The following CCNF variants were observed in gnomAD, a reference collection of about 807,000 sequenced individuals.
The protein encoded by CCNF is cyclin F.
A neutral mutation model predicts 85.4 loss-of-function variants in CCNF; 30 were observed. That is an observed-to-expected ratio of 0.35 (90% CI 0.26 to 0.48). CCNF has a LOEUF of 0.48. CCNF is among the 20% of genes least tolerant of loss of function. CCNF has a pLI of 0.99. For synonymous variants in CCNF, 439 were observed against 425.1 expected (o/e 1.03, Z -0.40); for missense variants, 919 against 1,010.4 (o/e 0.91, Z 1.23).
chr16:2,456,037 T>C lies in CCNF; in HGVS notation c.1885+473T>C, dbSNP rs2065425610. Among the ~76,000 whole-genome samples, 1 of 152,176 alleles carries C rather than the reference T, an allele frequency of 6.6e-6. No homozygotes were observed. Among genetic ancestry groups the C allele is most frequent in the Non-Finnish European group, 1.5e-5 (1 of 68,036 alleles). On this transcript the variant is annotated intron_variant, in intron 16 of 16. Transcript: ENST00000397066. The surrounding 1 kb of genome is among the most constrained non-coding windows in gnomAD (Gnocchi z 4.5). ...TTAGCTGGGCATCGTGGCGTGCGCCTGTGGTCCCAGCTACTCAGGAGGCTG... is the reference window on the plus strand; with the variant it reads ...TTAGCTGGGCATCGTGGCGTGCGCCCGTGGTCCCAGCTACTCAGGAGGCTG...
At position 2,429,507 on chromosome 16, in the gene CCNF, G is replaced by A. The variant is rs1023710814; in HGVS notation, c.16+10G>A. 9 of 1,230,888 alleles carry A rather than the reference G, an allele frequency of 7.3e-6. No homozygotes were observed. In the African/African-American group the frequency reaches 1.4e-4, roughly 19 times the overall value. The allele number at this position is 1,230,888 out of a possible 1,614,324, so 76.2% of individuals were successfully genotyped here. A position where few individuals can be genotyped will look rare whatever the true frequency, so the allele number is the denominator to read the frequency against. ...ATGGGGAGCGGCGGCGGTGAGTGCG[G>A]GGCGATGTCCGCTGGTTTCTGCCCC... On this transcript the variant is annotated intron_variant, in intron 1 of 16. Coordinates refer to ENST00000397066, the MANE Select transcript of CCNF (RefSeq NM_001761.3).
intron 8 of CCNF, 146 bp downstream of exon 8, chr16:2,439,972 T>A (rs781500182): frequency 1.5e-6 from 1 of 686,714 alleles, no homozygotes; most frequent in Non-Finnish European, 2.6e-6. Context: ...CTAAGATCGG[T>A]TCAGCACTGG....
At chr16:2,438,605 G>A (rs1340551134) in intron 6 of CCNF, among the ~76,000 whole-genome samples, 3 of 149,378 alleles carry the variant, frequency 2.0e-5, no homozygotes. Flanking sequence ...TTGCACCACT[G>A]CACTCCAGCC....
At position 2,452,192 on chromosome 16, in the gene CCNF, A is replaced by G. The variant is rs532353542; in HGVS notation, c.1488-1018A>G. On this transcript the variant is annotated intron_variant, in intron 13 of 16. Transcript: ENST00000397066. The surrounding 1 kb of genome is among the most constrained non-coding windows in gnomAD (Gnocchi z 4.1). Reference sequence around the variant, plus strand: ...CCCAGGGCCTCGCTGTCCGGCTTCCAGGATGAGATCAGAACTCCCTGGGGG... The same window carrying G: ...CCCAGGGCCTCGCTGTCCGGCTTCCGGGATGAGATCAGAACTCCCTGGGGG... Among the ~76,000 whole-genome samples, 5 of 152,218 alleles carry G rather than the reference A, an allele frequency of 3.3e-5. No individual in the cohort carries two copies. The highest frequency in any genetic ancestry group is 1.2e-4 in the African/African-American group (5 of 41,452).
intron 4 of CCNF, chr16:2,436,576 C>G (rs1201744836): frequency 6.6e-6 from 1 of 152,204 alleles, no homozygotes; most frequent in East Asian, 1.9e-4. Context: ...GGACCATGAG[C>G]AACACCCTCC....
At position 2,455,569 on chromosome 16, in the gene CCNF, G is replaced by A; in HGVS notation, c.1885+5G>A. 3.8e-6 allele frequency: 6 copies of A among 1,588,160 alleles called. No individual in the cohort carries two copies. Among genetic ancestry groups the A allele is most frequent in the Non-Finnish European group, 5.2e-6 (6 of 1,159,564 alleles). ...AGGGCGAGAAGGAGGGCGACGGTGA[G>A]TGTGGGGCCAGGGTGCACCAGAAGG... On this transcript the variant is annotated splice_donor_5th_base_variant and intron_variant, in intron 16 of 16. Coordinates refer to ENST00000397066, the MANE Select transcript of CCNF (RefSeq NM_001761.3).
In CCNF at chr16:2,449,590, G is replaced by A. The variant is rs1051230911; in HGVS notation, c.1399+128G>A. 25 of 926,810 alleles carry A rather than the reference G, an allele frequency of 2.7e-5. 1 individual carries two copies. The highest frequency in any genetic ancestry group is 8.4e-5 in the South Asian group (5 of 59,542). The allele number at this position is 926,810 out of a possible 1,614,324, so 57.4% of individuals were successfully genotyped here. On this transcript the variant is annotated intron_variant, in intron 12 of 16. Coordinates refer to ENST00000397066, the MANE Select transcript of CCNF (RefSeq NM_001761.3). ...CTTCTTGGGGGGTGAGATACAGCACGGCTCCTACCTTCAGTGATGTCCCAG... is the reference window on the plus strand; with the variant it reads ...CTTCTTGGGGGGTGAGATACAGCACAGCTCCTACCTTCAGTGATGTCCCAG...
In CCNF at chr16:2,449,034, G is replaced by C. The variant is rs1202166775; in HGVS notation, c.1218+56G>C. The C allele has an allele frequency of 9.3e-6, 13 of 1,397,550 alleles. No homozygotes were observed. The Middle Eastern group carries it at 7.1e-4, about 76-fold the overall frequency. 86.6% of individuals were successfully genotyped at this position (1,397,550 alleles called of 1,614,324 possible). A position where few individuals can be genotyped will look rare whatever the true frequency, so the allele number is the denominator to read the frequency against. On this transcript the variant is annotated intron_variant, in intron 11 of 16. Coordinates refer to ENST00000397066, the MANE Select transcript of CCNF (RefSeq NM_001761.3). ...CTTCGTTGTCGCTGTGCTGGAGGGT[G>C]GGGGTGGGCATTCAGCTTTCCTGCT...
chr16:2,432,363 A>G (rs1217525255), intron 2 of CCNF, among the ~76,000 whole-genome samples: 1 of 152,146 alleles, frequency 6.6e-6, no homozygotes, highest in African/African-American at 2.4e-5. Context: ...TGACTCCCAA[A>G]GCCACCTCCA....
intron 1 of CCNF, among the ~76,000 whole-genome samples, chr16:2,430,073 G>T (rs1372386111): frequency 6.6e-6 from 1 of 152,226 alleles, no homozygotes. Flanking sequence ...GAATCTTTGA[G>T]AATTCGTCGC....
chr16:2,455,642 C>T (rs2141832791), intron 16 of CCNF, 78 bp downstream of exon 16: 2 of 1,489,008 alleles, frequency 1.3e-6, no homozygotes, highest in South Asian at 2.7e-5. Context: ...GGGCACCCGG[C>T]CCTGTGCGAG....
At chr16:2,455,169 C>T (rs2065419259) in intron 15 of CCNF, among the ~76,000 whole-genome samples, 1 of 152,072 alleles carries the variant, frequency 6.6e-6, no homozygotes, top group South Asian at 2.1e-4. Context: ...GGCTGGGCTT[C>T]ACACCCAGAC....
Position 2,443,659 on chromosome 16 carries a change from C to T in CCNF, c.788C>T (p.Ala263Val). Residue 263 changes from alanine (A) to valine (V), a missense_variant, in exon 9 of 17, where the codon GCC becomes GTC. Physicochemically the swap from Ala to Val is moderately conservative, Grantham distance 64. This residue lies in a region of CCNF where 410 missense variants were observed against 478.6 expected (regional missense o/e 0.86). Transcript: ENST00000397066. ...KGCWEAQLSL[A>V]KACANANQLG... ...TCTTTTCTTCCTCAGCTGTCTTTAG[C>T]CAAAGCCTGTGCAAATGCAAACCAG... The T allele has an allele frequency of 6.2e-7, 1 of 1,613,918 alleles. No individual in the cohort carries two copies. The highest frequency in any genetic ancestry group is 8.5e-7 in the Non-Finnish European group (1 of 1,179,866).
intron 5 of CCNF, chr16:2,437,776 A>G (rs2141817857): frequency 2.4e-6 from 1 of 418,608 alleles, no homozygotes. Context: ...GTGCATACCT[A>G]TAGTCCCAGC....
In CCNF at chr16:2,449,453, C is replaced by T; in HGVS notation, c.1390C>T (p.His464Tyr). The T allele has an allele frequency of 6.2e-7, 1 of 1,604,360 alleles. No homozygotes were observed. Among genetic ancestry groups the T allele is most frequent in the East Asian group, 2.2e-5 (1 of 44,860 alleles). Reference sequence around the variant, plus strand: ...AGCCCTGCTCCTGGCCAGACTGACGCACGGGCAGAGTAAGGAGTGGCCCTT... The same window carrying T: ...AGCCCTGCTCCTGGCCAGACTGACGTACGGGCAGAGTAAGGAGTGGCCCTT... ...AAALLLARLT[H>Y]GQTQPWTTQL... Residue 464 changes from histidine (H) to tyrosine (Y), a missense_variant, in exon 12 of 17, where the codon CAC becomes TAC. His to Tyr is a moderately conservative substitution (Grantham distance 83). Around this residue, in one of 3 missense-constraint regions of CCNF, gnomAD observed 505 missense variants for 514.8 expected, o/e 0.98. Coordinates refer to ENST00000397066, the MANE Select transcript of CCNF (RefSeq NM_001761.3).
At chr16:2,449,019 G>T (rs760896088) in intron 11 of CCNF, 41 bp downstream of exon 11, 6 of 1,597,584 alleles carry the variant, frequency 3.8e-6, no homozygotes, top group South Asian at 1.1e-5. Context: ...CTTCGTTGTC[G>T]CTGTGCTGGA....
Position 2,435,880 on chromosome 16 carries a change from C to T in CCNF, c.346+7C>T. On this transcript the variant is annotated splice_region_variant and intron_variant, in intron 4 of 16. Transcript: ENST00000397066. ...TACCTCTACAATGAAGGCCGTAAGTCCTCACCCCACCTGCATGTTGGCGCT... is the reference window on the plus strand; with the variant it reads ...TACCTCTACAATGAAGGCCGTAAGTTCTCACCCCACCTGCATGTTGGCGCT... 1 of 1,607,556 alleles carries T rather than the reference C, an allele frequency of 6.2e-7. No individual in the cohort carries two copies. The highest frequency in any genetic ancestry group is 8.5e-7 in the Non-Finnish European group (1 of 1,174,338).
chr16:2,430,049 T>C (rs990973346), intron 1 of CCNF, among the ~76,000 whole-genome samples: 3 of 152,186 alleles, frequency 2.0e-5, no homozygotes, highest in South Asian at 2.1e-4. Context: ...GAATATTTTA[T>C]GGAGAGGTCT....
intron 13 of CCNF, among the ~76,000 whole-genome samples, chr16:2,450,530 C>T (rs964114869): frequency 2.0e-5 from 3 of 149,520 alleles, no homozygotes; most frequent in African/African-American, 5.0e-5. Flanking sequence ...AAAAAAGTTC[C>T]AGTAGTTTCT....
Sources: allele counts gnomAD v4.1 joint callset (sites outside exome capture counted in the v4.1 genomes callset), GRCh38; gene constraint gnomAD v4.1.1; regional missense constraint gnomAD v4.1.1; non-coding constraint Gnocchi (gnomAD v3.1); transcripts MANE v1.5; gene names NCBI Gene and HGNC (gene_info 2026-07-23, HGNC 2026-07-21).